SETBP1: variants seen among roughly 807,000 people sequenced by gnomAD.
The protein encoded by SETBP1 is SET binding protein 1, also known as SET-binding protein.
Under a neutral mutation model 101.0 loss-of-function variants are expected in SETBP1, and 9 were observed. The ratio of observed to expected loss-of-function variants is 0.09; its 90% CI spans 0.05 to 0.16. The LOEUF (loss-of-function observed/expected upper bound fraction) is 0.16, where lower values mean the gene tolerates loss of function less well. Among genes scored for constraint, SETBP1 ranks in the 10% least tolerant of loss-of-function variants. The pLI is 1.00. For missense variants in SETBP1, 1,858 were observed against 2,033.8 expected (o/e 0.91, Z 1.66); for synonymous variants, 818 against 788.5 (o/e 1.04, Z -0.63).
intron 2 of SETBP1, among the ~76,000 whole-genome samples, chr18:44,793,158 C>T (rs2071401804): frequency 6.6e-6 from 1 of 152,132 alleles, no homozygotes; most frequent in Non-Finnish European, 1.5e-5. Context: ...GTGTCCAAAC[C>T]TCCCCTTTTG....
At position 44,972,050 on chromosome 18, in the gene SETBP1, G is replaced by A. The variant is rs199996732; in HGVS notation, c.4000+18710G>A. ...CTTTATGCATCTTGAATTAATTTTT[G>A]TATAAGGTGTAAGGAAGGGATCCAG... On this transcript the variant is annotated intron_variant, in intron 4 of 5. Coordinates refer to ENST00000649279, the MANE Select transcript of SETBP1 (RefSeq NM_015559.3). Among the ~76,000 whole-genome samples, 42 of 152,272 alleles carry A rather than the reference G, an allele frequency of 2.8e-4. No homozygotes were observed. The East Asian group carries it at 6.2e-3, about 22-fold the overall frequency.
At chr18:44,821,723 A>C (rs894368312) in intron 2 of SETBP1, among the ~76,000 whole-genome samples, 3 of 152,228 alleles carry the variant, frequency 2.0e-5, no homozygotes, top group Admixed American at 6.5e-5. Context: ...TGATTCCTTA[A>C]TATCTGTTAT....
At chr18:44,958,687 A>G (rs180846959) in intron 4 of SETBP1, among the ~76,000 whole-genome samples, 19 of 152,280 alleles carry the variant, frequency 1.2e-4, no homozygotes, top group African/African-American at 4.3e-4. Flanking sequence ...CAAGAAAAAA[A>G]CAGAAAGGTG....
intron 4 of SETBP1, among the ~76,000 whole-genome samples, chr18:45,029,380 T>C (rs2073241033): frequency 6.6e-6 from 1 of 152,052 alleles, no homozygotes; most frequent in South Asian, 2.1e-4. Flanking sequence ...TATCTCTGTT[T>C]TGGTACCAGT....
chr18:44,738,510 A>T (rs767893786), intron 2 of SETBP1, among the ~76,000 whole-genome samples: 17 of 152,316 alleles, frequency 1.1e-4, no homozygotes, highest in Admixed American at 3.9e-4. Flanking sequence ...GCTGTGGCTC[A>T]CACCTGTAAT....
rs1193898763 is a variant in SETBP1, at chr18:44,991,480, T to C, written c.4000+38140T>C. ...TAGGAATAGAAAGTTTGTATACTTA[T>C]ATAAATACCATCCAAAATAGTCTTT... On this transcript the variant is annotated intron_variant, in intron 4 of 5. Coordinates refer to ENST00000649279, the MANE Select transcript of SETBP1 (RefSeq NM_015559.3). Among the ~76,000 whole-genome samples the C allele has an allele frequency of 4.6e-5, 7 of 152,212 alleles. No individual in the cohort carries two copies. In the South Asian group the frequency reaches 6.2e-4, roughly 14 times the overall value.
Position 44,951,285 on chromosome 18 carries a change from C to T in SETBP1, c.1945C>T (p.His649Tyr), listed in dbSNP as rs1168255441. ...EDKPMSEMKF[H>Y]KKVGKLGVLD... ...CAAACCCATGAGCGAGATGAAATTTCACAAGAAAGTTGGAAAGCTCGGCGT... is the reference window on the plus strand; with the variant it reads ...CAAACCCATGAGCGAGATGAAATTTTACAAGAAAGTTGGAAAGCTCGGCGT... The change falls in exon 4 of 6, where the codon CAC (histidine) becomes TAC (tyrosine). Residue 649 changes from histidine to tyrosine, a missense_variant. By Grantham distance (83) the His-to-Tyr change is moderately conservative. Around this residue, in one of 12 missense-constraint regions of SETBP1, gnomAD observed 111 missense variants for 119.3 expected, o/e 0.93. Coordinates refer to ENST00000649279, the MANE Select transcript of SETBP1 (RefSeq NM_015559.3). The surrounding 1 kb of genome is among the most constrained non-coding windows in gnomAD (Gnocchi z 7.8). 6.2e-7 allele frequency: 1 copy of T among 1,613,656 alleles called. No individual in the cohort carries two copies. Among genetic ancestry groups the T allele is most frequent in the Admixed American group, 1.7e-5 (1 of 60,024 alleles).
intron 2 of SETBP1, 123 bp downstream of exon 2, chr18:44,701,955 C>A: frequency 9.2e-7 from 1 of 1,090,748 alleles, no homozygotes; most frequent in Non-Finnish European, 1.3e-6. Flanking sequence ...GTTGGGGATT[C>A]AGACCCCTGC....
chr18:44,706,591 CAAA>C (rs1018470585), intron 2 of SETBP1, among the ~76,000 whole-genome samples: 5 of 16,972 alleles, frequency 2.9e-4, no homozygotes, highest in South Asian at 4.3e-3. Flanking sequence ...GACTCAATCT[CAAA>C]AAAAAAAAAA....
intron 2 of SETBP1, among the ~76,000 whole-genome samples, chr18:44,816,227 G>A (rs983388682): frequency 1.3e-5 from 2 of 152,164 alleles, no homozygotes; most frequent in Non-Finnish European, 2.9e-5. Flanking sequence ...ATCTGCCTGG[G>A]AATCTACTCA....
At position 44,800,422 on chromosome 18, in the gene SETBP1, T is replaced by C. The variant is rs139268836; in HGVS notation, c.487-68808T>C. Among the ~76,000 whole-genome samples the C allele has an allele frequency of 2.2e-3, 331 of 152,276 alleles. 1 individual carries two copies. The highest frequency in any genetic ancestry group is 7.7e-3 in the African/African-American group (319 of 41,578). ...AAGGATATCTATCCCCATTCTCAGA[T>C]TTGATCTTCACACCAACCCTGGTGG... On this transcript the variant is annotated intron_variant, in intron 2 of 5. Transcript: ENST00000649279.
chr18:44,930,821 C>A (rs536372397), intron 3 of SETBP1, among the ~76,000 whole-genome samples: 1 of 150,946 alleles, frequency 6.6e-6, no homozygotes, highest in Admixed American at 6.6e-5. Flanking sequence ...TTTGAGTCTT[C>A]TCTCTTTTCT....
Position 44,701,309 on chromosome 18 carries a change from C to T in SETBP1, c.-38C>T. ...CCTTTCCCTTTTCCCTTTTCCCCTT[C>T]CCCCTCCTGAGAACTCCGGAAGACT... On this transcript the variant is annotated 5_prime_UTR_variant, in exon 2 of 6. Coordinates refer to ENST00000649279, the MANE Select transcript of SETBP1 (RefSeq NM_015559.3). The T allele has an allele frequency of 1.4e-6, 2 of 1,453,792 alleles. No homozygotes were observed. Among genetic ancestry groups the T allele is most frequent in the Admixed American group, 2.8e-5 (1 of 35,192 alleles). The allele number at this position is 1,453,792 out of a possible 1,614,324, so 90.1% of individuals were successfully genotyped here.
intron 3 of SETBP1, among the ~76,000 whole-genome samples, chr18:44,874,231 A>G (rs930116639): frequency 3.9e-5 from 6 of 152,196 alleles, no homozygotes; most frequent in African/African-American, 1.4e-4. Context: ...TATCAAAATT[A>G]CCAGTAATTT....
chr18:44,948,402 G>A (rs2071258389), intron 3 of SETBP1, among the ~76,000 whole-genome samples: 1 of 151,998 alleles, frequency 6.6e-6, no homozygotes, highest in Non-Finnish European at 1.5e-5. Context: ...TCTGTGTTTT[G>A]ACTCTTAACA....
At chr18:44,686,448 G>T (rs2068842565) in intron 1 of SETBP1, among the ~76,000 whole-genome samples, 1 of 152,168 alleles carries the variant, frequency 6.6e-6, no homozygotes, top group South Asian at 2.1e-4. Context: ...CTCTGTGGGA[G>T]CTAACTAGTT....
At chr18:44,929,460 A>T (rs1370250273) in intron 3 of SETBP1, among the ~76,000 whole-genome samples, 1 of 152,162 alleles carries the variant, frequency 6.6e-6, no homozygotes, top group Non-Finnish European at 1.5e-5. Flanking sequence ...AGTTTTTTCC[A>T]ATTCTGTGAA....
intron 2 of SETBP1, among the ~76,000 whole-genome samples, chr18:44,850,817 T>C (rs1433498671): frequency 6.6e-6 from 1 of 152,232 alleles, no homozygotes; most frequent in African/African-American, 2.4e-5. Context: ...TCACTGACCA[T>C]GTCAAAATTA....
chr18:45,047,114 T>A (rs1277865353), intron 5 of SETBP1, among the ~76,000 whole-genome samples: 8 of 152,280 alleles, frequency 5.3e-5, no homozygotes, highest in Admixed American at 2.6e-4. Flanking sequence ...AGAGTAATGA[T>A]AATAACACGT....
Sources: allele counts gnomAD v4.1 joint callset (sites outside exome capture counted in the v4.1 genomes callset), GRCh38; gene constraint gnomAD v4.1.1; regional missense constraint gnomAD v4.1.1; non-coding constraint Gnocchi (gnomAD v3.1); transcripts MANE v1.5; gene names NCBI Gene and HGNC (gene_info 2026-07-23, HGNC 2026-07-21).